The following MYO1C variants were observed in gnomAD, a reference collection of about 807,000 sequenced individuals.
The protein encoded by MYO1C is myosin IC, also known as unconventional myosin-Ic.
A neutral mutation model predicts 150.8 loss-of-function variants in MYO1C; 104 were observed. The ratio of observed to expected loss-of-function variants is 0.69; its 90% CI spans 0.59 to 0.81. The LOEUF (loss-of-function observed/expected upper bound fraction) is 0.81. Ranked by LOEUF, MYO1C falls within the 30% of genes least tolerant of loss-of-function variation. The pLI, the probability that MYO1C is intolerant of heterozygous loss-of-function variation, is 0.00. For synonymous variants in MYO1C, 663 were observed against 579.9 expected, an observed-to-expected ratio of 1.14 and a Z score of -2.06; for missense variants, 1,504 against 1,435.0, an observed-to-expected ratio of 1.05 and a Z score of -0.78.
rs959891685 is a variant in MYO1C, at chr17:1,478,546, C to T, written c.1213-54G>A. On this transcript the variant is annotated intron_variant, in intron 10 of 31. Coordinates refer to ENST00000648651, the MANE Select transcript of MYO1C (RefSeq NM_001080779.2). The surrounding 1 kb of genome is among the most constrained non-coding windows in gnomAD (Gnocchi z 6.3). ...GGCCCCCTGCGCGTGCCAGCCCCAC[C>T]CTGCAGCACCCCCCGCCTCGCCGAC... is the stretch of plus-strand genomic sequence containing the variant. 12 of 1,613,764 alleles carry T rather than the reference C, an allele frequency of 7.4e-6. No individual in the cohort carries two copies. Among genetic ancestry groups the T allele is most frequent in the Admixed American group, 1.7e-5 (1 of 60,014 alleles).
At chr17:1,467,448 C>T (rs773334022) in intron 30 of MYO1C, 32 bp downstream of exon 30, 22 of 1,609,510 alleles carry the variant, frequency 1.4e-5, no homozygotes, top group Admixed American at 5.0e-5. Context: ...TCGCCACCCC[C>T]GCCCTGTCCC....
Position 1,479,607 on chromosome 17 carries a change from G to C in MYO1C, c.1005C>G (p.Leu335=), listed in dbSNP as rs763572480. ...CCCCACTCACCCTGGTCAGATACTT[G>C]AGCTGGTTCTCGGTGGTGACCTGGG... is the stretch of plus-strand genomic sequence containing the variant. ...SNAQVTTENQ[L]KYLTRLLSVE... The change falls in exon 8 of 32, where the codon CTC becomes CTG. Residue 335 remains leucine (L), a synonymous_variant. Coordinates refer to ENST00000648651, the MANE Select transcript of MYO1C (RefSeq NM_001080779.2). The surrounding 1 kb of genome is among the most constrained non-coding windows in gnomAD (Gnocchi z 4.2). The C allele has an allele frequency of 2.5e-6, 4 of 1,603,314 alleles. No homozygotes were observed. Among genetic ancestry groups the C allele is most frequent in the Non-Finnish European group, 3.4e-6 (4 of 1,174,050 alleles).
At chr17:1,471,011 T>G (rs2074291399) in intron 21 of MYO1C, 60 bp downstream of exon 21, 2 of 1,555,646 alleles carry the variant, frequency 1.3e-6, no homozygotes, top group Middle Eastern at 1.8e-4. Context: ...CCCAAGGGAG[T>G]GACTTCCCTG....
chr17:1,473,755 T>A (rs1313242072), intron 17 of MYO1C, among the ~76,000 whole-genome samples: 1 of 152,074 alleles, frequency 6.6e-6, no homozygotes, highest in Non-Finnish European at 1.5e-5. Context: ...CTTTTTAGAC[T>A]CTCTGTGTCT....
At chr17:1,468,530 G>A (rs1184775872) in intron 25 of MYO1C, 34 bp from the exon 26 acceptor site, 3 of 1,569,648 alleles carry the variant, frequency 1.9e-6, no homozygotes, top group Non-Finnish European at 2.6e-6. Flanking sequence ...AGAGTGTCAT[G>A]GTGGGGAGCA....
chr17:1,470,804 G>T, intron 21 of MYO1C, 115 bp from the exon 22 acceptor site: 1 of 1,158,582 alleles, frequency 8.6e-7, no homozygotes, highest in Non-Finnish European at 1.2e-6. Context: ...GAACCAACGA[G>T]CAGGAGGAGA....
Position 1,482,412 on chromosome 17 carries a change from A to T in MYO1C, c.627+66T>A, listed in dbSNP as rs1015070511. ...GCACCTGGAATAGTCCCTGGTACCC[A>T]GTAGGTGCTTCACACGTGTAGAGCC... On this transcript the variant is annotated intron_variant, in intron 5 of 31. Coordinates refer to ENST00000648651, the MANE Select transcript of MYO1C (RefSeq NM_001080779.2). 3 of 1,394,024 alleles carry T rather than the reference A, an allele frequency of 2.2e-6. No individual in the cohort carries two copies. In the African/African-American group the frequency reaches 4.3e-5, roughly 20 times the overall value. The allele number at this position is 1,394,024 out of a possible 1,614,324, so 86.4% of individuals were successfully genotyped here. A position where few individuals can be genotyped will look rare whatever the true frequency, so the allele number is the denominator to read the frequency against.
chr17:1,469,521 C>A lies in MYO1C; in HGVS notation c.2610+10G>T, dbSNP rs1377321671. 3 of 1,604,786 alleles carry A rather than the reference C, an allele frequency of 1.9e-6. No individual in the cohort carries two copies. Among genetic ancestry groups the A allele is most frequent in the East Asian group, 4.5e-5 (2 of 44,666 alleles). ...ACTTCCTCATCCTCACCCAGCCCCG[C>A]TCTCCGTACCTGCTGCTTCCACTCA... On this transcript the variant is annotated intron_variant, in intron 25 of 31. Transcript: ENST00000648651.
rs946071262 is a variant in MYO1C at position 1,480,080 on chromosome 17, G to C, written c.907-375C>G. Among the ~76,000 whole-genome samples the C allele has an allele frequency of 2.7e-5, 4 of 148,086 alleles. No individual in the cohort carries two copies. In the East Asian group the frequency reaches 8.0e-4, roughly 30 times the overall value. ...AGAATCACTTTAACCTGGAGGCAGA[G>C]GTTGCAGTGAACTGAGATCGCACCA... On this transcript the variant is annotated intron_variant, in intron 7 of 31. Transcript: ENST00000648651.
At chr17:1,473,156 C>T (rs1248555255) in intron 17 of MYO1C, among the ~76,000 whole-genome samples, 4 of 152,158 alleles carry the variant, frequency 2.6e-5, no homozygotes, top group Non-Finnish European at 5.9e-5. Flanking sequence ...GCCGAGATCG[C>T]GCCACTGCAC....
intron 2 of MYO1C, 84 bp downstream of exon 2, chr17:1,484,064 C>T (rs1241337726): frequency 8.4e-6 from 13 of 1,549,610 alleles, no homozygotes; most frequent in Admixed American, 7.0e-5. Context: ...AAGTTTATCC[C>T]GGTGACCCTT....
At position 1,472,044 on chromosome 17, in the gene MYO1C, G is replaced by C; in HGVS notation, c.1904-20C>G. On this transcript the variant is annotated intron_variant, in intron 18 of 31. Coordinates refer to ENST00000648651, the MANE Select transcript of MYO1C (RefSeq NM_001080779.2). ...AGCGGCCTGGGGTAGGGGGAGCGCC[G>C]TGGTCAGCGGGCTGGCGCTGACGGC... The C allele has an allele frequency of 6.2e-7, 1 of 1,613,240 alleles. No individual in the cohort carries two copies. Among genetic ancestry groups the C allele is most frequent in the East Asian group, 2.2e-5 (1 of 44,858 alleles).
In MYO1C at chr17:1,480,547, A is replaced by G; in HGVS notation, c.886T>C (p.Phe296Leu). The change falls in exon 7 of 32, where the codon TTC (phenylalanine) becomes CTC (leucine). Residue 296 changes from phenylalanine (F) to leucine (L), a missense_variant. Transcript: ENST00000648651. ...VVRKALTVID[F>L]TEDEVEDLLS... ...CTCACCTCCACTTCATCCTCGGTGA[A>G]ATCAATGACTGTCAGAGCCTTCCTG... 1 of 1,614,148 alleles carries G rather than the reference A, an allele frequency of 6.2e-7. No homozygotes were observed. The highest frequency in any genetic ancestry group is 8.5e-7 in the Non-Finnish European group (1 of 1,180,004).
chr17:1,479,023 CT>C lies in MYO1C; in HGVS notation c.1093-289del, dbSNP rs904277091. ...CCCTGGCCAGCTCACTGTGCTGCTT[CT>C]TTTTTTTGAGACAGAGTCTAGCTCT... is the stretch of plus-strand genomic sequence containing the variant. On this transcript the variant is annotated intron_variant, in intron 9 of 31. Coordinates refer to ENST00000648651, the MANE Select transcript of MYO1C (RefSeq NM_001080779.2). This position sits in a 1 kb window ranked among gnomAD's most constrained non-coding sequence, Gnocchi z 4.2. Among the ~76,000 whole-genome samples the C allele has an allele frequency of 3.3e-5, 5 of 152,000 alleles. No homozygotes were observed. The highest frequency in any genetic ancestry group is 6.6e-5 in the Admixed American group (1 of 15,248).
At position 1,478,013 on chromosome 17, in the gene MYO1C, G is replaced by A; in HGVS notation, c.1402-42C>T. 1 of 1,612,014 alleles carries A rather than the reference G, an allele frequency of 6.2e-7. No individual in the cohort carries two copies. Among genetic ancestry groups the A allele is most frequent in the East Asian group, 2.2e-5 (1 of 44,850 alleles). On this transcript the variant is annotated intron_variant, in intron 12 of 31. Coordinates refer to ENST00000648651, the MANE Select transcript of MYO1C (RefSeq NM_001080779.2). The surrounding 1 kb of genome is among the most constrained non-coding windows in gnomAD (Gnocchi z 6.3). ...AAGGAAGGGATCACCGTGGGGTCCT[G>A]GCACCCTCTCCCAGGGGCCCCGATA...
At chr17:1,486,975 CA>C (rs1390988766) in intron 1 of MYO1C, 1 of 152,358 alleles carries the variant, frequency 6.6e-6, no homozygotes, top group Admixed American at 6.5e-5. Context: ...CCACCGCGGG[CA>C]GGGGCGGGGA....
chr17:1,470,832 A>G, intron 21 of MYO1C, 143 bp from the exon 22 acceptor site: 1 of 672,566 alleles, frequency 1.5e-6, no homozygotes, highest in South Asian at 1.5e-5. Flanking sequence ...AGAAGAATGA[A>G]TGTGGGGACT....
At chr17:1,470,736 C>A in intron 21 of MYO1C, 47 bp from the exon 22 acceptor site, 1 of 1,567,184 alleles carries the variant, frequency 6.4e-7, no homozygotes, top group South Asian at 1.1e-5. Context: ...GGGGAGCCAG[C>A]TGGGAGCCTG....
intron 5 of MYO1C, among the ~76,000 whole-genome samples, chr17:1,481,725 T>TCCCGACCTCACGTGATCCACCTGC (rs2074525220): frequency 6.7e-6 from 1 of 149,470 alleles, no homozygotes; most frequent in South Asian, 2.1e-4. Flanking sequence ...GGTCTTGAAC[T>TCCCGACCTCACGTGATCCACCTGC]CCCGACCTCA....
Sources: gnomAD v4.1 joint callset for allele counts (sites outside exome capture counted in the v4.1 genomes callset) on GRCh38, gnomAD v4.1.1 for gene constraint, Gnocchi (gnomAD v3.1) non-coding constraint, MANE v1.5 for transcripts, NCBI Gene and HGNC (gene_info 2026-07-23, HGNC 2026-07-21) for gene names.